Variants in ZNF385D observed in about 807,000 individuals in gnomAD.
ZNF385D encodes the protein zinc finger protein 385D.
In ZNF385D, 15 loss-of-function variants were observed where a neutral mutation model predicts 35.8. The ratio of observed to expected loss-of-function variants is 0.42; its 90% CI spans 0.28 to 0.64. The LOEUF (loss-of-function observed/expected upper bound fraction) is 0.64, where lower values mean the gene tolerates loss of function less well. Among genes scored for constraint, ZNF385D ranks in the 30% least tolerant of loss-of-function variants. The pLI is 0.23. For synonymous variants in ZNF385D, 212 were observed against 186.8 expected (o/e 1.13, Z -1.10); for missense variants, 474 against 494.6 (o/e 0.96, Z 0.39).
chr3:22,184,802 C>CAAACA (rs1197414344), intron 2 of ZNF385D, among the ~76,000 whole-genome samples: 1 of 152,056 alleles, frequency 6.6e-6, no homozygotes, highest in Non-Finnish European at 1.5e-5. Flanking sequence ...AACTACGTCT[C>CAAACA]AAACAAAACA....
At chr3:21,923,367 G>C (rs182263677) in intron 3 of ZNF385D, among the ~76,000 whole-genome samples, 39 of 152,216 alleles carry the variant, frequency 2.6e-4, no homozygotes, top group African/African-American at 8.7e-4. Context: ...AACGCATGCT[G>C]GAGAGGCTGG....
At chr3:22,135,580 T>A (rs553776547) in intron 3 of ZNF385D, among the ~76,000 whole-genome samples, 2 of 152,164 alleles carry the variant, frequency 1.3e-5, no homozygotes, top group Non-Finnish European at 2.9e-5. Context: ...GTTTAATGCA[T>A]TCTTATCCAA....
chr3:21,656,556 C>T (rs1355863693), intron 2 of ZNF385D, among the ~76,000 whole-genome samples: 1 of 151,902 alleles, frequency 6.6e-6, no homozygotes, highest in Non-Finnish European at 1.5e-5. Flanking sequence ...CTCATCTGAA[C>T]TAATTACATC....
At chr3:21,482,524 T>C (rs968634732) in intron 4 of ZNF385D, among the ~76,000 whole-genome samples, 1 of 152,162 alleles carries the variant, frequency 6.6e-6, no homozygotes, top group Admixed American at 6.6e-5. Flanking sequence ...ACAGAAGAAG[T>C]ACTTCCTAAT....
chr3:22,352,913 C>T (rs1027188632), intron 2 of ZNF385D, among the ~76,000 whole-genome samples: 2 of 152,052 alleles, frequency 1.3e-5, no homozygotes, highest in African/African-American at 2.4e-5. Flanking sequence ...ACCTCATTTT[C>T]GTATGTGATT....
intron 2 of ZNF385D, among the ~76,000 whole-genome samples, chr3:22,324,827 T>C (rs993281167): frequency 1.3e-5 from 2 of 152,308 alleles, no homozygotes; most frequent in Middle Eastern, 3.4e-3. Flanking sequence ...GGGAATGAGA[T>C]TGACAAAGTG....
chr3:21,975,741 A>ATATATATATATGTG (rs1703572714), intron 3 of ZNF385D, among the ~76,000 whole-genome samples: 2 of 81,544 alleles, frequency 2.5e-5, no homozygotes, highest in Non-Finnish European at 4.3e-5. Context: ...ATATATATAT[A>ATATATATATATGTG]TATATATATA....
intron 3 of ZNF385D, among the ~76,000 whole-genome samples, chr3:21,560,302 A>G (rs967639650): frequency 3.3e-5 from 5 of 152,130 alleles, no homozygotes; most frequent in African/African-American, 1.2e-4. Context: ...GGATTCATCT[A>G]TCTTTGGTCT....
At chr3:21,873,205 T>C (rs77997761) in intron 3 of ZNF385D, among the ~76,000 whole-genome samples, 1 of 152,048 alleles carries the variant, frequency 6.6e-6, no homozygotes, top group Non-Finnish European at 1.5e-5. Context: ...GATATATAAG[T>C]GTATAAGTGT....
chr3:22,282,669 G>A (rs759406011), intron 2 of ZNF385D, among the ~76,000 whole-genome samples: 1 of 151,972 alleles, frequency 6.6e-6, no homozygotes, highest in African/African-American at 2.4e-5. Flanking sequence ...CTGTCTTGGA[G>A]AATGTTCCAT....
intron 2 of ZNF385D, among the ~76,000 whole-genome samples, chr3:22,240,447 C>G (rs1032393226): frequency 6.6e-6 from 1 of 151,008 alleles, no homozygotes; most frequent in African/African-American, 2.5e-5. Flanking sequence ...CCAGTTCCAG[C>G]CTACATCATG....
At chr3:21,626,953 A>G (rs2065150836) in intron 2 of ZNF385D, among the ~76,000 whole-genome samples, 2 of 152,004 alleles carry the variant, frequency 1.3e-5, no homozygotes, top group Admixed American at 1.3e-4. Context: ...GGCTTAGGGA[A>G]AAGATTGTCA....
intron 4 of ZNF385D, among the ~76,000 whole-genome samples, chr3:21,493,033 T>A (rs1426386125): frequency 2.0e-5 from 3 of 152,192 alleles, no homozygotes; most frequent in East Asian, 3.9e-4. Flanking sequence ...CTGGTTAGAA[T>A]CTTGGACTAC....
chr3:21,562,789 A>C (rs1281010653), intron 3 of ZNF385D, among the ~76,000 whole-genome samples: 1 of 151,282 alleles, frequency 6.6e-6, no homozygotes, highest in Non-Finnish European at 1.5e-5. Flanking sequence ...TCAAAGTTGA[A>C]GCTGTTGAGT....
At chr3:22,361,711 G>A (rs1014386187) in intron 2 of ZNF385D, among the ~76,000 whole-genome samples, 1 of 151,954 alleles carries the variant, frequency 6.6e-6, no homozygotes, top group Non-Finnish European at 1.5e-5. Flanking sequence ...AAACTATTCA[G>A]GGCAGCAGAG....
chr3:21,631,453 C>A (rs1243614445), intron 2 of ZNF385D, among the ~76,000 whole-genome samples: 1 of 152,058 alleles, frequency 6.6e-6, no homozygotes, highest in Non-Finnish European at 1.5e-5. Flanking sequence ...GTATTTGGAA[C>A]CAATCAAAAA....
At chr3:21,756,645 C>T (rs906731106) in intron 3 of ZNF385D, among the ~76,000 whole-genome samples, 6 of 152,022 alleles carry the variant, frequency 3.9e-5, no homozygotes, top group African/African-American at 1.4e-4. Flanking sequence ...AACACTGAGT[C>T]GTGGGACATT....
At chr3:21,435,067 A>G (rs1701483094) in intron 5 of ZNF385D, among the ~76,000 whole-genome samples, 1 of 152,116 alleles carries the variant, frequency 6.6e-6, no homozygotes, top group South Asian at 2.1e-4. Flanking sequence ...TGGATATAAT[A>G]ATCAGAATCC....
At chr3:21,747,915 G>T (rs532603251) in intron 1 of ZNF385D, among the ~76,000 whole-genome samples, 1 of 152,270 alleles carries the variant, frequency 6.6e-6, no homozygotes, top group African/African-American at 2.4e-5. Context: ...ATGGGGGTGG[G>T]AGGGTAAATT....
Sources: gnomAD v4.1 joint callset for allele counts (sites outside exome capture counted in the v4.1 genomes callset) on GRCh38, gnomAD v4.1.1 for gene constraint, MANE v1.5 for transcripts, NCBI Gene and HGNC (gene_info 2026-07-23, HGNC 2026-07-21) for gene names.